BACH2: variants seen among roughly 807,000 people sequenced by gnomAD.
The protein encoded by BACH2 is transcription regulator protein BACH2.
BACH2 carries 5 observed loss-of-function variants against 61.8 expected under a neutral mutation model. The ratio of observed to expected loss-of-function variants is 0.08; its 90% CI spans 0.04 to 0.17. The LOEUF is 0.17. Among genes scored for constraint, BACH2 ranks in the 10% least tolerant of loss-of-function variants. The pLI is 1.00. For missense variants in BACH2, 824 were observed against 1,091.1 expected (o/e 0.76, Z 3.45); for synonymous variants, 446 against 440.1 (o/e 1.01, Z -0.17).
intron 3 of BACH2, among the ~76,000 whole-genome samples, chr6:90,238,716 T>A (rs931839476): frequency 1.6e-4 from 25 of 152,212 alleles, no homozygotes; most frequent in African/African-American, 5.3e-4. Flanking sequence ...GCAGGCCACC[T>A]AACTGAACAG....
chr6:90,090,761 C>T (rs768282500), intron 4 of BACH2, among the ~76,000 whole-genome samples: 5 of 152,088 alleles, frequency 3.3e-5, no homozygotes, highest in East Asian at 1.9e-4. Flanking sequence ...CCCATAATAT[C>T]GTGAGAAGAA....
chr6:90,032,742 C>T (rs1420850790), intron 5 of BACH2, among the ~76,000 whole-genome samples: 4 of 152,180 alleles, frequency 2.6e-5, no homozygotes, highest in Non-Finnish European at 4.4e-5. Context: ...AACAGGAACA[C>T]TTTTACACTG....
rs865946159 is a variant in BACH2, at chr6:89,930,215, T to C, written c.*2193A>G. ...GGCAGGTTTTAAAAGTGGAACTGTTTAAAAAGAAAAGCCTTTTTTTTTTTT... is the reference window on the plus strand; with the variant it reads ...GGCAGGTTTTAAAAGTGGAACTGTTCAAAAAGAAAAGCCTTTTTTTTTTTT... On this transcript the variant is annotated 3_prime_UTR_variant, in exon 9 of 9. Coordinates refer to ENST00000257749, the MANE Select transcript of BACH2 (RefSeq NM_021813.4). 5 of 130,048 alleles carry C rather than the reference T, an allele frequency of 3.8e-5. No individual in the cohort carries two copies. The highest frequency in any genetic ancestry group is 7.9e-5 in the Admixed American group (1 of 12,674). The allele number at this position is 130,048 out of a possible 1,614,324, so 8.1% of individuals were successfully genotyped here.
At chr6:90,244,623 C>T (rs939948514) in intron 3 of BACH2, among the ~76,000 whole-genome samples, 1 of 149,646 alleles carries the variant, frequency 6.7e-6, no homozygotes, top group Non-Finnish European at 1.5e-5. Context: ...CGCACACATG[C>T]GCACACACGC....
intron 2 of BACH2, among the ~76,000 whole-genome samples, chr6:90,257,135 A>G (rs2127873381): frequency 6.6e-6 from 1 of 152,326 alleles, no homozygotes; most frequent in East Asian, 1.9e-4. Context: ...ATCATCAGAC[A>G]CTTAGGTTGT....
intron 4 of BACH2, among the ~76,000 whole-genome samples, chr6:90,147,319 C>T (rs1324098936): frequency 6.6e-6 from 1 of 152,166 alleles, no homozygotes; most frequent in Admixed American, 6.5e-5. Context: ...TGCCACGTCC[C>T]TGCTCTCTGC....
At chr6:90,227,319 G>A (rs1445209635) in intron 3 of BACH2, among the ~76,000 whole-genome samples, 2 of 152,144 alleles carry the variant, frequency 1.3e-5, no homozygotes, top group Non-Finnish European at 2.9e-5. Context: ...CTCAGACCCC[G>A]GGCAGCCAGA....
chr6:90,025,999 C>T (rs542004132), intron 5 of BACH2, among the ~76,000 whole-genome samples: 2 of 152,312 alleles, frequency 1.3e-5, no homozygotes, highest in South Asian at 4.1e-4. Context: ...GGGCTCATAA[C>T]TCCTCCCCAA....
At chr6:89,962,402 TGTTGG>T (rs2128359343) in intron 6 of BACH2, among the ~76,000 whole-genome samples, 1 of 152,352 alleles carries the variant, frequency 6.6e-6, no homozygotes, top group African/African-American at 2.4e-5. Flanking sequence ...AATGAGCAGC[TGTTGG>T]TTCCCTCATC....
intron 5 of BACH2, among the ~76,000 whole-genome samples, chr6:90,009,602 T>C (rs980614830): frequency 1.3e-5 from 2 of 152,240 alleles, no homozygotes; most frequent in African/African-American, 4.8e-5. Flanking sequence ...AAAAGATGCA[T>C]TCAACAGTCA....
chr6:90,273,358 T>TA (rs955118951), intron 1 of BACH2, among the ~76,000 whole-genome samples: 4 of 152,010 alleles, frequency 2.6e-5, no homozygotes, highest in Admixed American at 6.6e-5. Context: ...ACTCTGTTTC[T>TA]AAAAAAAGTG....
intron 4 of BACH2, among the ~76,000 whole-genome samples, chr6:90,092,450 G>T (rs1782210397): frequency 6.6e-6 from 1 of 151,810 alleles, no homozygotes; most frequent in Non-Finnish European, 1.5e-5. Context: ...TTACAAAAGA[G>T]TTTATAGTTT....
chr6:90,086,644 A>T (rs1582335704), intron 5 of BACH2, among the ~76,000 whole-genome samples: 1 of 152,302 alleles, frequency 6.6e-6, no homozygotes, highest in East Asian at 1.9e-4. Context: ...GCCTGAAGCC[A>T]TGATTCACCT....
At chr6:90,007,464 G>C (rs1003624650) in intron 6 of BACH2, among the ~76,000 whole-genome samples, 2 of 152,114 alleles carry the variant, frequency 1.3e-5, no homozygotes, top group African/African-American at 4.8e-5. Context: ...ACTGCACCTG[G>C]CTTCTTGTTT....
intron 5 of BACH2, among the ~76,000 whole-genome samples, chr6:90,022,956 A>G (rs1489674932): frequency 2.0e-5 from 3 of 152,222 alleles, no homozygotes; most frequent in African/African-American, 7.2e-5. Context: ...TCCCAACTGG[A>G]AACAACATCA....
At chr6:90,116,720 C>T (rs1014091963) in intron 4 of BACH2, 6 of 402,424 alleles carry the variant, frequency 1.5e-5, no homozygotes, top group African/African-American at 1.3e-4. Flanking sequence ...CAGGTCCACA[C>T]TTTGTCTACA....
At chr6:90,115,866 G>A (rs888554775) in intron 4 of BACH2, among the ~76,000 whole-genome samples, 6 of 152,002 alleles carry the variant, frequency 3.9e-5, no homozygotes, top group Non-Finnish European at 8.8e-5. Flanking sequence ...CAAAGGACAC[G>A]AACAAACACT....
intron 3 of BACH2, among the ~76,000 whole-genome samples, chr6:90,214,003 C>T (rs1265357378): frequency 6.6e-6 from 1 of 152,120 alleles, no homozygotes; most frequent in Non-Finnish European, 1.5e-5. Flanking sequence ...ACTTTTAGGT[C>T]AGCAAGGCAC....
intron 5 of BACH2, among the ~76,000 whole-genome samples, chr6:90,050,895 C>T (rs1387369601): frequency 1.3e-5 from 2 of 151,946 alleles, no homozygotes; most frequent in Non-Finnish European, 1.5e-5. Context: ...CTTCAGCCTC[C>T]CAAGTAGTTG....
Sources: allele counts gnomAD v4.1 joint callset (sites outside exome capture counted in the v4.1 genomes callset), GRCh38; gene constraint gnomAD v4.1.1; transcripts MANE v1.5; gene names NCBI Gene and HGNC (gene_info 2026-07-23, HGNC 2026-07-21).